The following DDR2 variants were observed in gnomAD, a reference collection of about 807,000 sequenced individuals.
DDR2 encodes discoidin domain receptor tyrosine kinase 2, also known as discoidin domain-containing receptor 2.
In DDR2, 27 loss-of-function variants were observed where a neutral mutation model predicts 94.9. The ratio of observed to expected loss-of-function variants is 0.28; its 90% CI spans 0.21 to 0.39. DDR2 has a LOEUF of 0.39. Among genes scored for constraint, DDR2 ranks in the 10% least tolerant of loss-of-function variants. The probability of loss-of-function intolerance (pLI) is 1.00; values close to 1 mark genes in which losing one functional copy is unlikely to be tolerated. For synonymous variants in DDR2, 382 were observed against 377.2 expected, an observed-to-expected ratio of 1.01 and a Z score of -0.15; for missense variants, 783 against 1,076.0, an observed-to-expected ratio of 0.73 and a Z score of 3.81.
intron 3 of DDR2, among the ~76,000 whole-genome samples, chr1:162,749,480 C>A (rs1038005121): frequency 6.6e-6 from 1 of 152,154 alleles, no homozygotes; most frequent in African/African-American, 2.4e-5. Flanking sequence ...CCTGAATAGA[C>A]CAATAACAGG....
chr1:162,656,844 T>TTTTTTTTTTTTTTTTTTTTTC (rs1571154080), intron 2 of DDR2, among the ~76,000 whole-genome samples: 1 of 121,318 alleles, frequency 8.2e-6, no homozygotes, highest in African/African-American at 2.8e-5. Context: ...TTTTTTTTTT[T>TTTTTTTTTTTTTTTTTTTTTC]TTTTTATTTT....
Position 162,728,209 on chromosome 1 carries a change from T to C in DDR2, c.82+9064T>C, listed in dbSNP as rs1368977593. On this transcript the variant is annotated intron_variant, in intron 3 of 17. Transcript: ENST00000367921. ...ATATATATATAGATAGATATATCTT[T>C]ATATATATATAGATAGATATATCTT... Among the ~76,000 whole-genome samples the C allele has an allele frequency of 4.2e-5, 6 of 144,390 alleles. No individual in the cohort carries two copies. The East Asian group carries it at 1.2e-3, about 28-fold the overall frequency. The allele number at this position is 144,390 out of a possible 152,430, so 94.7% of individuals were successfully genotyped here.
intron 1 of DDR2, among the ~76,000 whole-genome samples, chr1:162,654,316 T>TA (rs1657849338): frequency 6.6e-6 from 1 of 151,878 alleles, no homozygotes; most frequent in Non-Finnish European, 1.5e-5. Flanking sequence ...CATGGTGGTG[T>TA]GTGCCTGTAG....
intron 2 of DDR2, among the ~76,000 whole-genome samples, chr1:162,682,616 A>G (rs900742749): frequency 6.6e-5 from 10 of 152,316 alleles, no homozygotes; most frequent in African/African-American, 1.9e-4. Flanking sequence ...ATTGGGTTCA[A>G]ATTCCAATTC....
chr1:162,679,341 C>G (rs1436265952), intron 2 of DDR2, among the ~76,000 whole-genome samples: 1 of 151,920 alleles, frequency 6.6e-6, no homozygotes, highest in Non-Finnish European at 1.5e-5. Context: ...ATAATGAGAT[C>G]ATGTTCTCTG....
At chr1:162,659,776 G>T (rs1021388227) in intron 2 of DDR2, among the ~76,000 whole-genome samples, 3 of 152,108 alleles carry the variant, frequency 2.0e-5, no homozygotes, top group African/African-American at 7.2e-5. Flanking sequence ...AAATATATAT[G>T]CATGAGACAC....
At chr1:162,707,799 A>T (rs933694096) in intron 2 of DDR2, among the ~76,000 whole-genome samples, 2 of 152,188 alleles carry the variant, frequency 1.3e-5, no homozygotes, top group Non-Finnish European at 2.9e-5. Context: ...TCAAAAATTG[A>T]TATTTATAAG....
rs1657904022 is a variant in DDR2, at chr1:162,655,334, T to G, written c.-68T>G. On this transcript the variant is annotated 5_prime_UTR_variant, in exon 2 of 18. Coordinates refer to ENST00000367921, the MANE Select transcript of DDR2 (RefSeq NM_006182.4). ...AAGAGAAGCAGAGGCCAGCTGTTTT[T>G]GAGGATCCTGCTCCACAGAGAATGC... The G allele has an allele frequency of 6.6e-6, 1 of 152,216 alleles. No homozygotes were observed. The highest frequency in any genetic ancestry group is 6.5e-5 in the Admixed American group (1 of 15,278). 9.4% of individuals were successfully genotyped at this position (152,216 alleles called of 1,614,324 possible).
chr1:162,728,037 A>C (rs1661797083), intron 3 of DDR2, among the ~76,000 whole-genome samples: 1 of 139,158 alleles, frequency 7.2e-6, no homozygotes, highest in African/African-American at 2.7e-5. Flanking sequence ...ATATATATCT[A>C]TATATATCTA....
upstream of DDR2, chr1:162,631,417 G>A (rs1656555120): frequency 6.6e-6 from 1 of 152,162 alleles, no homozygotes; most frequent in African/African-American, 2.4e-5. Flanking sequence ...AGAGAAAGGA[G>A]GTCTCTTTAC....
chr1:162,700,925 C>T (rs1660401149), intron 2 of DDR2, among the ~76,000 whole-genome samples: 2 of 152,078 alleles, frequency 1.3e-5, no homozygotes, highest in Admixed American at 1.3e-4. Context: ...ATTCTGTCTT[C>T]TACATGTGTT....
At chr1:162,684,714 C>T (rs561530015) in intron 2 of DDR2, among the ~76,000 whole-genome samples, 7 of 151,930 alleles carry the variant, frequency 4.6e-5, no homozygotes, top group African/African-American at 1.7e-4. Context: ...TTCAAACCAA[C>T]CACCCAAAGA....
intron 2 of DDR2, among the ~76,000 whole-genome samples, chr1:162,675,137 A>G (rs112367066): frequency 1.1e-3 from 169 of 152,208 alleles, no homozygotes; most frequent in African/African-American, 3.8e-3. Context: ...AGCCTGGCCA[A>G]CAAGAGTGAA....
At chr1:162,776,445 C>A in intron 16 of DDR2, 75 bp downstream of exon 16, 1 of 1,421,292 alleles carries the variant, frequency 7.0e-7, no homozygotes, top group Non-Finnish European at 9.9e-7. Flanking sequence ...TGGAGACAAA[C>A]CTGAGACAGC....
At chr1:162,763,857 G>A (rs745788474) in intron 9 of DDR2, among the ~76,000 whole-genome samples, 17 of 152,154 alleles carry the variant, frequency 1.1e-4, no homozygotes, top group Non-Finnish European at 2.1e-4. Context: ...GATTTTATAC[G>A]TTCATCTCTA....
intron 2 of DDR2, among the ~76,000 whole-genome samples, chr1:162,683,231 TGAA>T (rs1415529812): frequency 6.6e-6 from 1 of 152,172 alleles, no homozygotes; most frequent in East Asian, 1.9e-4. Context: ...TCATACTTTG[TGAA>T]GAAGGACTTA....
chr1:162,755,276 G>A lies in DDR2; in HGVS notation c.538G>A (p.Val180Met). 1.9e-6 allele frequency: 3 copies of A among 1,613,968 alleles called. No homozygotes were observed. Among genetic ancestry groups the A allele is most frequent in the Admixed American group, 1.7e-5 (1 of 60,028 alleles). The change falls in exon 6 of 18, where the codon GTG becomes ATG. Residue 180 changes from valine (V) to methionine (M), a missense_variant. Around this residue, in one of 2 missense-constraint regions of DDR2, gnomAD observed 519 missense variants for 647.9 expected, o/e 0.80. Coordinates refer to ENST00000367921, the MANE Select transcript of DDR2 (RefSeq NM_006182.4). ...TDHSMNVCMR[V>M]ELYGCVWLDG... ...CCACTCCATGAATGTGTGTATGAGA[G>A]TGGAGCTTTACGGCTGTGTCTGGCT...
chr1:162,684,525 A>G (rs1185669151), intron 2 of DDR2, among the ~76,000 whole-genome samples: 1 of 152,134 alleles, frequency 6.6e-6, no homozygotes, highest in Non-Finnish European at 1.5e-5. Flanking sequence ...AATGGGACTC[A>G]TTCTTGCAGA....
At chr1:162,698,273 C>T (rs1288275126) in intron 2 of DDR2, among the ~76,000 whole-genome samples, 2 of 152,146 alleles carry the variant, frequency 1.3e-5, no homozygotes, top group East Asian at 3.9e-4. Flanking sequence ...ATTCAGTTCT[C>T]AGAAGCTGTT....
Sources: gnomAD v4.1 joint callset for allele counts (sites outside exome capture counted in the v4.1 genomes callset) on GRCh38, gnomAD v4.1.1 for gene constraint, gnomAD v4.1.1 regional missense constraint, MANE v1.5 for transcripts, NCBI Gene and HGNC (gene_info 2026-07-23, HGNC 2026-07-21) for gene names.